The following IMMT variants were observed in gnomAD, a reference collection of about 807,000 sequenced individuals.
The protein encoded by IMMT is inner membrane mitochondrial protein.
IMMT carries 40 observed loss-of-function variants against 92.7 expected under a neutral mutation model. That is an observed-to-expected ratio of 0.43 (90% CI 0.34 to 0.56). IMMT has a LOEUF of 0.56. IMMT is among the 20% of genes least tolerant of loss of function. The probability of loss-of-function intolerance (pLI) is 0.03; values close to 1 mark genes in which losing one functional copy is unlikely to be tolerated. For synonymous variants in IMMT, 322 were observed against 336.1 expected (o/e 0.96, Z 0.46); for missense variants, 831 against 912.1 (o/e 0.91, Z 1.14).
chr2:86,168,164 A>C (rs1217811521), intron 6 of IMMT, among the ~76,000 whole-genome samples: 10 of 152,226 alleles, frequency 6.6e-5, no homozygotes, highest in African/African-American at 2.4e-4. Flanking sequence ...AGGACTCAAG[A>C]AATAGCAGAC....
chr2:86,173,080 T>C (rs183361002), intron 4 of IMMT, among the ~76,000 whole-genome samples: 18 of 152,342 alleles, frequency 1.2e-4, no homozygotes, highest in Non-Finnish European at 5.9e-5. Flanking sequence ...AAATTTCTGC[T>C]GAATTAAAGA....
intron 3 of IMMT, among the ~76,000 whole-genome samples, chr2:86,174,254 T>C (rs1043706294): frequency 6.6e-6 from 1 of 152,218 alleles, no homozygotes; most frequent in African/African-American, 2.4e-5. Flanking sequence ...AAGGCTTGCC[T>C]TCCCCTTTCC....
At position 86,166,659 on chromosome 2, in the gene IMMT, AG is replaced by A. The variant is rs1385578568; in HGVS notation, c.656-16del. The A allele has an allele frequency of 1.3e-6, 2 of 1,574,470 alleles. No homozygotes were observed. Among genetic ancestry groups the A allele is most frequent in the Non-Finnish European group, 8.6e-7 (1 of 1,165,064 alleles). On this transcript the variant is annotated splice_polypyrimidine_tract_variant and intron_variant, in intron 6 of 14. Coordinates refer to ENST00000410111, the MANE Select transcript of IMMT (RefSeq NM_006839.3). ...CTTGGCTAGAGCTTAAAAAAAAAAA[AG>A]AACAGTTAAAAAACAAATCCTACCC...
At chr2:86,193,622 C>T (rs1211442016) in intron 1 of IMMT, among the ~76,000 whole-genome samples, 3 of 151,972 alleles carry the variant, frequency 2.0e-5, no homozygotes, top group East Asian at 3.9e-4. Context: ...AAAGCAGAAG[C>T]AGACTCAGTA....
At chr2:86,170,691 A>C in intron 6 of IMMT, 58 bp downstream of exon 6, 1 of 1,134,200 alleles carries the variant, frequency 8.8e-7, no homozygotes, top group Admixed American at 2.0e-5. Flanking sequence ...TGATAGTTTA[A>C]GAAGAGAGCA....
At chr2:86,189,317 C>T (rs1672978973) in intron 1 of IMMT, among the ~76,000 whole-genome samples, 1 of 150,986 alleles carries the variant, frequency 6.6e-6, no homozygotes. Context: ...TCACTGCAAC[C>T]TCCATCTCCT....
intron 10 of IMMT, among the ~76,000 whole-genome samples, chr2:86,157,663 C>A (rs1675940700): frequency 6.6e-6 from 1 of 151,996 alleles, no homozygotes; most frequent in Non-Finnish European, 1.5e-5. Context: ...TGGCTCACAC[C>A]TGTAATCCCA....
chr2:86,164,001 C>T (rs1676480456), intron 7 of IMMT, among the ~76,000 whole-genome samples: 1 of 135,642 alleles, frequency 7.4e-6, no homozygotes, highest in Admixed American at 7.7e-5. Context: ...CAAAGTATAT[C>T]TTATGATGCG....
intron 10 of IMMT, among the ~76,000 whole-genome samples, chr2:86,154,793 G>C (rs886397028): frequency 1.3e-5 from 2 of 152,150 alleles, no homozygotes; most frequent in Non-Finnish European, 2.9e-5. Flanking sequence ...GTGTGAACAC[G>C]TGACAGGAGA....
rs1439837713 is a variant in IMMT, at chr2:86,146,102, A to G, written c.1629T>C (p.Tyr543=). The change falls in exon 14 of 15, where the codon TAT becomes TAC. Residue 543 remains tyrosine (Y), a synonymous_variant. Transcript: ENST00000410111. The part of the protein sequence containing the change: ...DNFTLDINTA[Y]ARLRGIEQAV... Reference sequence around the variant, plus strand: ...CCTGTTCGATTCCTCTGAGTCTGGCATAGGCAGTATTTATATCCAGAGTAA... The same window carrying G: ...CCTGTTCGATTCCTCTGAGTCTGGCGTAGGCAGTATTTATATCCAGAGTAA... 2 of 1,605,376 alleles carry G rather than the reference A, an allele frequency of 1.2e-6. No homozygotes were observed. The highest frequency in any genetic ancestry group is 1.3e-5 in the African/African-American group (1 of 74,836).
At chr2:86,189,843 T>A (rs966669136) in intron 1 of IMMT, among the ~76,000 whole-genome samples, 1 of 152,132 alleles carries the variant, frequency 6.6e-6, no homozygotes, top group Non-Finnish European at 1.5e-5. Flanking sequence ...AAAAAGTATA[T>A]CCCACAAAAA....
intron 1 of IMMT, among the ~76,000 whole-genome samples, chr2:86,191,775 C>T (rs976682423): frequency 7.0e-6 from 1 of 142,274 alleles, no homozygotes; most frequent in Non-Finnish European, 1.5e-5. Context: ...AAAAATTAGG[C>T]GTGGTGGCAG....
At chr2:86,155,111 C>A (rs559885883) in intron 10 of IMMT, among the ~76,000 whole-genome samples, 1 of 152,296 alleles carries the variant, frequency 6.6e-6, no homozygotes, top group East Asian at 1.9e-4. Flanking sequence ...AATCCACCCA[C>A]CTCAGCCTCC....
At chr2:86,162,114 T>C (rs2104960943) in intron 7 of IMMT, 35 bp from the exon 8 acceptor site, 1 of 1,290,428 alleles carries the variant, frequency 7.7e-7, no homozygotes, top group South Asian at 1.4e-5. Flanking sequence ...AATAAATAAC[T>C]GCTATTATTG....
chr2:86,158,665 G>GACC lies in IMMT; in HGVS notation c.1086_1088dup (p.Val363dup), dbSNP rs1676040447. 6.2e-7 allele frequency: 1 copy of GACC among 1,603,970 alleles called. No individual in the cohort carries two copies. The highest frequency in any genetic ancestry group is 8.5e-7 in the Non-Finnish European group (1 of 1,174,810). ...CTCGTTTAAAGTCATCCCGAGCTTGGACCACCAGCTCATGATACTGAGATA... is the reference window on the plus strand; with the variant it reads ...CTCGTTTAAAGTCATCCCGAGCTTGGACCACCACCAGCTCATGATACTGAGATA... On this transcript the variant is annotated inframe_insertion, in exon 10 of 15. Coordinates refer to ENST00000410111, the MANE Select transcript of IMMT (RefSeq NM_006839.3).
At chr2:86,183,004 A>G (rs1219553476) in intron 1 of IMMT, among the ~76,000 whole-genome samples, 1 of 152,210 alleles carries the variant, frequency 6.6e-6, no homozygotes, top group Admixed American at 6.5e-5. Flanking sequence ...CTATTCTGTA[A>G]AGTAGTATGA....
chr2:86,178,257 G>A (rs902052892), intron 3 of IMMT, among the ~76,000 whole-genome samples: 3 of 149,888 alleles, frequency 2.0e-5, no homozygotes, highest in African/African-American at 7.4e-5. Context: ...GGCGGAACTT[G>A]CAGTGAGCTG....
chr2:86,179,416 T>C lies in IMMT; in HGVS notation c.309+17A>G, dbSNP rs1172897084. On this transcript the variant is annotated intron_variant, in intron 3 of 14. Coordinates refer to ENST00000410111, the MANE Select transcript of IMMT (RefSeq NM_006839.3). Reference sequence around the variant, plus strand: ...GTATTTCATTGGATAAACTGAAATATTGTTTAAAACTCTTACCGATTTCTT... The same window carrying C: ...GTATTTCATTGGATAAACTGAAATACTGTTTAAAACTCTTACCGATTTCTT... 2 of 1,543,946 alleles carry C rather than the reference T, an allele frequency of 1.3e-6. No homozygotes were observed. Among genetic ancestry groups the C allele is most frequent in the Admixed American group, 4.3e-5 (2 of 46,656 alleles).
intron 14 of IMMT, among the ~76,000 whole-genome samples, chr2:86,145,747 A>G (rs1674951682): frequency 6.6e-6 from 1 of 152,168 alleles, no homozygotes; most frequent in Non-Finnish European, 1.5e-5. Flanking sequence ...CACCACCTCC[A>G]GATAACCCAC....
Sources: gnomAD v4.1 joint callset for allele counts (sites outside exome capture counted in the v4.1 genomes callset) on GRCh38, gnomAD v4.1.1 for gene constraint, MANE v1.5 for transcripts, NCBI Gene and HGNC (gene_info 2026-07-23, HGNC 2026-07-21) for gene names.